IL18R1: variants seen among roughly 807,000 people sequenced by gnomAD.
The protein encoded by IL18R1 is interleukin-18 receptor 1.
IL18R1 carries 40 observed loss-of-function variants against 48.5 expected under a neutral mutation model. That is an observed-to-expected ratio of 0.82 (90% CI 0.64 to 1.07). The LOEUF (loss-of-function observed/expected upper bound fraction) is 1.07. Ranked by LOEUF, IL18R1 falls within the 50% of genes least tolerant of loss-of-function variation. The pLI is 0.00. For synonymous variants in IL18R1, 232 were observed against 225.9 expected, an observed-to-expected ratio of 1.03 and a Z score of -0.24; for missense variants, 596 against 633.7, an observed-to-expected ratio of 0.94 and a Z score of 0.64.
At chr2:102,368,559 G>A (rs1194738854) in intron 3 of IL18R1, among the ~76,000 whole-genome samples, 1 of 152,214 alleles carries the variant, frequency 6.6e-6, no homozygotes, top group Non-Finnish European at 1.5e-5. Context: ...AGTGGAGGAA[G>A]TGTGTGTCTG....
At chr2:102,385,148 T>G in intron 7 of IL18R1, 150 bp downstream of exon 7, 1 of 449,280 alleles carries the variant, frequency 2.2e-6, no homozygotes, top group Non-Finnish European at 3.8e-6. Context: ...ATAATTATAG[T>G]GGCCATACCC....
intron 7 of IL18R1, among the ~76,000 whole-genome samples, chr2:102,386,217 A>G (rs1390178084): frequency 1.3e-5 from 2 of 152,172 alleles, no homozygotes; most frequent in African/African-American, 4.8e-5. Flanking sequence ...AGAGCCTGTC[A>G]TTGGTGGGGG....
In IL18R1 at chr2:102,368,282, T is replaced by G. The variant is rs561986662; in HGVS notation, c.302+214T>G. On this transcript the variant is annotated intron_variant, in intron 3 of 10. Coordinates refer to ENST00000233957, the MANE Select transcript of IL18R1 (RefSeq NM_003855.5). ...GTGACCTTAATGAAAGGAGATTACTTTGATAGGATTTCCTTTTAGGGGATC... is the reference window on the plus strand; with the variant it reads ...GTGACCTTAATGAAAGGAGATTACTGTGATAGGATTTCCTTTTAGGGGATC... Among the ~76,000 whole-genome samples, 9 of 152,336 alleles carry G rather than the reference T, an allele frequency of 5.9e-5. No individual in the cohort carries two copies. The South Asian group carries it at 1.9e-3, about 32-fold the overall frequency.
intron 2 of IL18R1, among the ~76,000 whole-genome samples, chr2:102,363,793 T>G (rs956768441): frequency 1.3e-5 from 2 of 152,232 alleles, no homozygotes; most frequent in African/African-American, 2.4e-5. Context: ...TGAACCTAGT[T>G]GAGTTTAAAT....
chr2:102,377,163 T>C (rs531290135), intron 5 of IL18R1, among the ~76,000 whole-genome samples: 3 of 152,230 alleles, frequency 2.0e-5, no homozygotes, highest in Non-Finnish European at 4.4e-5. Context: ...AACATCTTTC[T>C]TCTTCACTAC....
Position 102,376,021 on chromosome 2 carries a change from C to T in IL18R1, c.583C>T (p.Leu195=), listed in dbSNP as rs1180745016. The change falls in exon 5 of 11, where the codon CTA becomes TTA. Residue 195 remains leucine, a synonymous_variant. Transcript: ENST00000233957. ...CVHFLHHNGK[L]FNITKTFNIT... is the part of the protein sequence containing the mutation. ...GCATTTCCTTCATCATAATGGAAAA[C>T]TATTTAATATCACCAAAACCTTCAA... The T allele has an allele frequency of 6.2e-7, 1 of 1,602,682 alleles. No homozygotes were observed. Among genetic ancestry groups the T allele is most frequent in the Admixed American group, 1.7e-5 (1 of 57,428 alleles).
chr2:102,381,745 C>T (rs748606710), intron 6 of IL18R1, 63 bp downstream of exon 6: 49 of 1,032,642 alleles, frequency 4.7e-5, no homozygotes, highest in Admixed American at 1.6e-4. Context: ...GCCTTCCAAG[C>T]GTAAATATGA....
chr2:102,397,192 G>T lies in IL18R1; in HGVS notation c.*306G>T, dbSNP rs1049558439. 7.4e-6 allele frequency: 2 copies of T among 268,766 alleles called. No individual in the cohort carries two copies. The highest frequency in any genetic ancestry group is 1.4e-5 in the Non-Finnish European group (2 of 144,446). 16.6% of individuals were successfully genotyped at this position (268,766 alleles called of 1,614,324 possible). On this transcript the variant is annotated 3_prime_UTR_variant, in exon 11 of 11. Coordinates refer to ENST00000233957, the MANE Select transcript of IL18R1 (RefSeq NM_003855.5). Reference sequence around the variant, plus strand: ...ATATTCAGCAAGTGTGAAGCTGGACGTGATGCAAAATAACCGATGCCCTAC... The same window carrying T: ...ATATTCAGCAAGTGTGAAGCTGGACTTGATGCAAAATAACCGATGCCCTAC...
In IL18R1 at chr2:102,356,863, C is replaced by T. The variant is rs73946804; in HGVS notation, c.-29+463C>T. On this transcript the variant is annotated intron_variant, in intron 1 of 10. Coordinates refer to ENST00000233957, the MANE Select transcript of IL18R1 (RefSeq NM_003855.5). ...CCTACAGTTTTTCTGATTCCAGAGC[C>T]TTTGTCTTTTTTCTGCCCAGCCTTG... Among the ~76,000 whole-genome samples the T allele has an allele frequency of 5.4e-3, 823 of 152,258 alleles. 17 individuals are homozygous for T. Among genetic ancestry groups the T allele is most frequent in the African/African-American group, 0.019 (790 of 41,560 alleles).
intron 8 of IL18R1, 24 bp downstream of exon 8, chr2:102,387,024 G>A: frequency 1.2e-6 from 2 of 1,607,878 alleles, no homozygotes; most frequent in Non-Finnish European, 1.7e-6. Flanking sequence ...ATTTTTGGAA[G>A]TTTTGAAACT....
intron 1 of IL18R1, among the ~76,000 whole-genome samples, chr2:102,358,802 TA>T (rs1274171536): frequency 6.6e-6 from 1 of 152,168 alleles, no homozygotes; most frequent in East Asian, 1.9e-4. Flanking sequence ...TATCATGCGT[TA>T]AAAAGCATTT....
Position 102,396,694 on chromosome 2 carries a change from T to A in IL18R1, c.1434T>A (p.Pro478=). The A allele has an allele frequency of 6.2e-7, 1 of 1,614,076 alleles. No individual in the cohort carries two copies. Among genetic ancestry groups the A allele is most frequent in the South Asian group, 1.1e-5 (1 of 91,080 alleles). The change falls in exon 11 of 11, where the codon CCT becomes CCA. Residue 478 remains proline, a synonymous_variant. Coordinates refer to ENST00000233957, the MANE Select transcript of IL18R1 (RefSeq NM_003855.5). ...AAATAATCTTAATTGAATTTACACC[T>A]GTTACTGACTTCACATTCTTGCCCC... ...KIKIILIEFT[P]VTDFTFLPQS... is the part of the protein sequence containing the mutation.
intron 9 of IL18R1, among the ~76,000 whole-genome samples, chr2:102,393,078 G>A (rs1360120912): frequency 2.6e-5 from 4 of 152,222 alleles, no homozygotes; most frequent in South Asian, 2.1e-4. Context: ...TGATGAAATC[G>A]TCTTCCCAGT....
In IL18R1 at chr2:102,386,873, C is replaced by T. The variant is rs1163316995; in HGVS notation, c.822C>T (p.Gly274=). The change falls in exon 8 of 11, where the codon GGC becomes GGT. Residue 274 remains glycine (G), a synonymous_variant. Transcript: ENST00000233957. ...TGCCCTCTTACAGGACTCCAGAAGGCAAATGGCATGCTTCAAAAGTATTGA... is the reference window on the plus strand; with the variant it reads ...TGCCCTCTTACAGGACTCCAGAAGGTAAATGGCATGCTTCAAAAGTATTGA... The part of the protein sequence containing the change: ...EKEMRIMTPE[G]KWHASKVLRI... The T allele has an allele frequency of 1.9e-6, 3 of 1,613,960 alleles. No individual in the cohort carries two copies. The highest frequency in any genetic ancestry group is 1.1e-5 in the South Asian group (1 of 91,074).
intron 7 of IL18R1, among the ~76,000 whole-genome samples, chr2:102,386,233 G>C (rs1680216698): frequency 1.3e-5 from 2 of 152,176 alleles, no homozygotes; most frequent in South Asian, 4.1e-4. Flanking sequence ...GGGGGAAGTG[G>C]ATGTCATAAG....
chr2:102,379,444 CAA>C (rs112656218), intron 5 of IL18R1, among the ~76,000 whole-genome samples: 12 of 102,974 alleles, frequency 1.2e-4, no homozygotes, highest in African/African-American at 2.5e-4. Flanking sequence ...GACTCGGTCT[CAA>C]AAAAAAAAAA....
At chr2:102,377,932 G>A (rs781201007) in intron 5 of IL18R1, among the ~76,000 whole-genome samples, 1 of 152,178 alleles carries the variant, frequency 6.6e-6, no homozygotes, top group Non-Finnish European at 1.5e-5. Flanking sequence ...TATTCTGCCT[G>A]CCACAGCCCA....
intron 1 of IL18R1, among the ~76,000 whole-genome samples, chr2:102,358,428 T>A (rs982192321): frequency 6.6e-6 from 1 of 152,158 alleles, no homozygotes; most frequent in Admixed American, 6.5e-5. Flanking sequence ...CTTTTTTTTT[T>A]CATTTAGAGA....
chr2:102,394,712 T>G (rs1680732692), intron 10 of IL18R1, 85 bp downstream of exon 10: 17 of 1,218,046 alleles, frequency 1.4e-5, no homozygotes, highest in Non-Finnish European at 1.9e-5. Context: ...AGCTATCCCA[T>G]TTTCCTTAAA....
Sources: allele counts gnomAD v4.1 joint callset (sites outside exome capture counted in the v4.1 genomes callset), GRCh38; gene constraint gnomAD v4.1.1; transcripts MANE v1.5; gene names NCBI Gene and HGNC (gene_info 2026-07-23, HGNC 2026-07-21).